Variants in KCNQ1 observed in about 807,000 individuals in gnomAD.
KCNQ1 encodes the protein potassium voltage-gated channel subfamily Q member 1, also known as potassium voltage-gated channel subfamily KQT member 1.
Under a neutral mutation model 72.4 loss-of-function variants are expected in KCNQ1, and 49 were observed. That is an observed-to-expected ratio of 0.68 (90% CI 0.54 to 0.86). The LOEUF (loss-of-function observed/expected upper bound fraction) is 0.86. Ranked by LOEUF, KCNQ1 falls within the 40% of genes least tolerant of loss-of-function variation. KCNQ1 has a pLI of 0.00. For missense variants in KCNQ1, 790 were observed against 945.1 expected, an observed-to-expected ratio of 0.84 and a Z score of 2.15; for synonymous variants, 450 against 412.6, an observed-to-expected ratio of 1.09 and a Z score of -1.10.
At chr11:2,560,126 A>G (rs1386238939) in intron 2 of KCNQ1, among the ~76,000 whole-genome samples, 1 of 79,846 alleles carries the variant, frequency 1.3e-5, no homozygotes. Context: ...TTAGCATCTC[A>G]GACATGGGGG....
intron 2 of KCNQ1, among the ~76,000 whole-genome samples, chr11:2,546,144 A>C (rs1248570110): frequency 1.3e-5 from 2 of 152,014 alleles, no homozygotes; most frequent in African/African-American, 2.4e-5. Flanking sequence ...AACATCCACA[A>C]ATTTTGTGTT....
At chr11:2,530,087 G>A (rs1396638762) in intron 2 of KCNQ1, among the ~76,000 whole-genome samples, 1 of 152,184 alleles carries the variant, frequency 6.6e-6, no homozygotes, top group African/African-American at 2.4e-5. Context: ...CTGTGAAGTG[G>A]GGTGTGTGTG....
rs1848125508 is a variant in KCNQ1 at position 2,559,401 on chromosome 11, T to C, written c.478-11227T>C. Among the ~76,000 whole-genome samples the C allele has an allele frequency of 1.3e-5, 2 of 152,152 alleles. No individual in the cohort carries two copies. Among genetic ancestry groups the C allele is most frequent in the Admixed American group, 1.3e-4 (2 of 15,282 alleles). ...CCCGGGATGTGCCCTTGTGGCTACTTAGACGTAGAGCCCGGGGCAGGGGGA... is the reference window on the plus strand; with the variant it reads ...CCCGGGATGTGCCCTTGTGGCTACTCAGACGTAGAGCCCGGGGCAGGGGGA... On this transcript the variant is annotated intron_variant, in intron 2 of 15. Coordinates refer to ENST00000155840, the MANE Select transcript of KCNQ1 (RefSeq NM_000218.3). The surrounding 1 kb of genome is among the most constrained non-coding windows in gnomAD (Gnocchi z 4.9).
In KCNQ1 at chr11:2,767,999, G is replaced by A. The variant is rs768012704; in HGVS notation, c.1515-845G>A. ...CAAGTGCCCTGAGGAGGAAACGCTC[G>A]GATGCAGGCGCAGCTCAGTTCATTT... On this transcript the variant is annotated intron_variant, in intron 11 of 15. Coordinates refer to ENST00000155840, the MANE Select transcript of KCNQ1 (RefSeq NM_000218.3). The surrounding 1 kb of genome is among the most constrained non-coding windows in gnomAD (Gnocchi z 4.6). 1.3e-4 allele frequency among the ~76,000 whole-genome samples: 20 copies of A among 152,296 alleles called. No homozygotes were observed. Among genetic ancestry groups the A allele is most frequent in the Non-Finnish European group, 2.6e-4 (18 of 68,030 alleles).
At position 2,627,425 on chromosome 11, in the gene KCNQ1, C is replaced by G. The variant is rs950314229; in HGVS notation, c.1394-34536C>G. On this transcript the variant is annotated intron_variant, in intron 10 of 15. Coordinates refer to ENST00000155840, the MANE Select transcript of KCNQ1 (RefSeq NM_000218.3). This position sits in a 1 kb window ranked among gnomAD's most constrained non-coding sequence, Gnocchi z 4.9. ...TCAAGAACTTATTCATCTGATAACT[C>G]TATGTTTGTACCCTTCAACATTTCC... 5 of 398,398 alleles carry G rather than the reference C, an allele frequency of 1.3e-5. No individual in the cohort carries two copies. The highest frequency in any genetic ancestry group is 2.5e-4 in the South Asian group (2 of 7,854). 24.7% of individuals were successfully genotyped at this position (398,398 alleles called of 1,614,324 possible).
At chr11:2,650,319 T>C (rs887638673) in intron 10 of KCNQ1, 3 of 398,364 alleles carry the variant, frequency 7.5e-6, no homozygotes, top group Non-Finnish European at 1.3e-5. Context: ...TGTTTTCTTG[T>C]TTTTTTCCCC....
intron 15 of KCNQ1, among the ~76,000 whole-genome samples, chr11:2,843,695 A>G (rs1445892182): frequency 6.6e-6 from 1 of 152,216 alleles, no homozygotes; most frequent in Non-Finnish European, 1.5e-5. Context: ...CTTTTTCAAG[A>G]TTTTCTTTTG....
In KCNQ1 at chr11:2,604,603, GGCGCGATCTGAGCTCACTGCAAC is replaced by G. The variant is rs1197066795; in HGVS notation, c.1393+15750_1393+15772del. Among the ~76,000 whole-genome samples, 636 of 151,982 alleles carry G rather than the reference GGCGCGATCTGAGCTCACTGCAAC, an allele frequency of 4.2e-3. 1 individual carries two copies. Among genetic ancestry groups the G allele is most frequent in the African/African-American group, 0.014 (575 of 41,478 alleles). ...CTCTGTCGCCAGGCTGGAGTGCAGT[GGCGCGATCTGAGCTCACTGCAAC>G]CTCTACCTCCCAGGTTCAAGCGATT... On this transcript the variant is annotated intron_variant, in intron 10 of 15. Coordinates refer to ENST00000155840, the MANE Select transcript of KCNQ1 (RefSeq NM_000218.3).
At position 2,746,356 on chromosome 11, in the gene KCNQ1, G is replaced by C. The variant is rs1846138642; in HGVS notation, c.1515-22488G>C. Reference sequence around the variant, plus strand: ...GCATTTGTCACAAGGAAACAACAGTGCTACATGACTGTTAACTGAGTCCAT... The same window carrying C: ...GCATTTGTCACAAGGAAACAACAGTCCTACATGACTGTTAACTGAGTCCAT... On this transcript the variant is annotated intron_variant, in intron 11 of 15. Transcript: ENST00000155840. The surrounding 1 kb of genome is among the most constrained non-coding windows in gnomAD (Gnocchi z 5.9). Among the ~76,000 whole-genome samples, 1 of 152,212 alleles carries C rather than the reference G, an allele frequency of 6.6e-6. No individual in the cohort carries two copies. Among genetic ancestry groups the C allele is most frequent in the African/African-American group, 2.4e-5 (1 of 41,450 alleles).
intron 9 of KCNQ1, 149 bp downstream of exon 9, chr11:2,587,841 A>G: frequency 8.9e-7 from 1 of 1,125,108 alleles, no homozygotes; most frequent in Non-Finnish European, 1.3e-6. Flanking sequence ...ACACTGGGCC[A>G]TACACCCGAT....
chr11:2,605,675 C>G (rs952070293), intron 10 of KCNQ1, among the ~76,000 whole-genome samples: 1 of 152,216 alleles, frequency 6.6e-6, no homozygotes, highest in African/African-American at 2.4e-5. Flanking sequence ...CACATTTTCT[C>G]GAATACTGTT....
At chr11:2,793,079 TGAG>T (rs1388342803) in intron 15 of KCNQ1, among the ~76,000 whole-genome samples, 1 of 152,174 alleles carries the variant, frequency 6.6e-6, no homozygotes, top group East Asian at 1.9e-4. Context: ...CAGGAGCTGC[TGAG>T]GAGATGCTGA....
chr11:2,848,141 G>T lies in KCNQ1; in HGVS notation c.*138G>T. On this transcript the variant is annotated 3_prime_UTR_variant, in exon 16 of 16. Coordinates refer to ENST00000155840, the MANE Select transcript of KCNQ1 (RefSeq NM_000218.3). ...ACTCTCAGAGGCCCCAATACCCCAT[G>T]GACCATGCTGTCTGGCACAGCCTGC... The T allele has an allele frequency of 1.3e-6, 1 of 785,916 alleles. No homozygotes were observed. The highest frequency in any genetic ancestry group is 2.7e-5 in the East Asian group (1 of 37,644). 48.7% of individuals were successfully genotyped at this position (785,916 alleles called of 1,614,324 possible).
rs1285988552 is a variant in KCNQ1, at chr11:2,824,710, G to A, written c.1795-23057G>A. 6.6e-6 allele frequency among the ~76,000 whole-genome samples: 1 copy of A among 152,148 alleles called. No homozygotes were observed. Among genetic ancestry groups the A allele is most frequent in the Non-Finnish European group, 1.5e-5 (1 of 68,032 alleles). On this transcript the variant is annotated intron_variant, in intron 15 of 15. Coordinates refer to ENST00000155840, the MANE Select transcript of KCNQ1 (RefSeq NM_000218.3). This position sits in a 1 kb window ranked among gnomAD's most constrained non-coding sequence, Gnocchi z 5.9. ...TACAGGAAGCAGCTGGGGGTGGCGGGAAGAAGACAGTCAGGAGCTTGGGCA... is the reference window on the plus strand; with the variant it reads ...TACAGGAAGCAGCTGGGGGTGGCGGAAAGAAGACAGTCAGGAGCTTGGGCA...
chr11:2,558,428 G>T (rs1166095044), intron 2 of KCNQ1, among the ~76,000 whole-genome samples: 1 of 152,210 alleles, frequency 6.6e-6, no homozygotes, highest in South Asian at 2.1e-4. Context: ...CTCCAGGCGG[G>T]GGGGTCCACA....
intron 1 of KCNQ1, among the ~76,000 whole-genome samples, chr11:2,518,811 C>G (rs900177546): frequency 6.6e-6 from 1 of 152,182 alleles, no homozygotes; most frequent in African/African-American, 2.4e-5. Flanking sequence ...ACTCAGCTGC[C>G]GCGGAACAAG....
chr11:2,632,714 T>A (rs1849380842), intron 10 of KCNQ1: 1 of 398,294 alleles, frequency 2.5e-6, no homozygotes, highest in Admixed American at 4.4e-5. Context: ...ATTTAACATA[T>A]TATCCAAGTT....
At position 2,526,534 on chromosome 11, in the gene KCNQ1, T is replaced by TA. The variant is rs1450285827; in HGVS notation, c.387-1394_387-1393insA. On this transcript the variant is annotated intron_variant, in intron 1 of 15. Coordinates refer to ENST00000155840, the MANE Select transcript of KCNQ1 (RefSeq NM_000218.3). The surrounding 1 kb of genome is among the most constrained non-coding windows in gnomAD (Gnocchi z 6.1). ...GGGCTACCAGAGGCCAGGAAAGGAT[T>TA]GTCCTGTCCACAGGAGCTTGGGGAA... Among the ~76,000 whole-genome samples the TA allele has an allele frequency of 6.6e-6, 1 of 151,146 alleles. No individual in the cohort carries two copies. Among genetic ancestry groups the TA allele is most frequent in the Non-Finnish European group, 1.5e-5 (1 of 67,716 alleles).
At chr11:2,666,189 C>T (rs1850063497) in intron 11 of KCNQ1, 2 of 398,518 alleles carry the variant, frequency 5.0e-6, no homozygotes, top group Admixed American at 4.4e-5. Flanking sequence ...ATACCGCCCT[C>T]AGTCCCACTC....
Sources: gnomAD v4.1 joint callset for allele counts (sites outside exome capture counted in the v4.1 genomes callset) on GRCh38, gnomAD v4.1.1 for gene constraint, Gnocchi (gnomAD v3.1) non-coding constraint, MANE v1.5 for transcripts, NCBI Gene and HGNC (gene_info 2026-07-23, HGNC 2026-07-21) for gene names.